NID1: variants seen among roughly 807,000 people sequenced by gnomAD.
NID1 encodes the protein nidogen-1.
In NID1, 76 loss-of-function variants were observed where a neutral mutation model predicts 130.6. That is an observed-to-expected ratio of 0.58 (90% CI 0.48 to 0.70). NID1 has a LOEUF of 0.70. Ranked by LOEUF, NID1 falls within the 30% of genes least tolerant of loss-of-function variation. NID1 has a pLI of 0.00. For synonymous variants in NID1, 665 were observed against 675.1 expected, an observed-to-expected ratio of 0.98 and a Z score of 0.23; for missense variants, 1,517 against 1,664.8, an observed-to-expected ratio of 0.91 and a Z score of 1.54.
At position 236,038,135 on chromosome 1, in the gene NID1, A is replaced by G. The variant is rs778790859; in HGVS notation, c.1254T>C (p.Tyr418=). 2.5e-6 allele frequency: 4 copies of G among 1,607,306 alleles called. No individual in the cohort carries two copies. The East Asian group carries it at 6.7e-5, about 27-fold the overall frequency. Residue 418 remains tyrosine, a synonymous_variant, in exon 5 of 20, where the codon TAT becomes TAC. Transcript: ENST00000264187. ...TGFCCSCVAG[Y]TGNGRQCVAE... ...CAACACATTGCCTGCCATTGCCCGT[A>G]TAGCCAGCGACACAGCTGCAGCAGA...
rs1446318174 is a variant in NID1 at position 236,048,638 on chromosome 1, T to A, written c.525+52A>T. On this transcript the variant is annotated intron_variant, in intron 2 of 19. Transcript: ENST00000264187. ...CAGCACAAGGCGTGAGACCAAAGTGTATGAAGCCAATGTGTCTGATTACCT... is the reference window on the plus strand; with the variant it reads ...CAGCACAAGGCGTGAGACCAAAGTGAATGAAGCCAATGTGTCTGATTACCT... 12 of 1,576,520 alleles carry A rather than the reference T, an allele frequency of 7.6e-6. No individual in the cohort carries two copies. The East Asian group carries it at 2.7e-4, about 35-fold the overall frequency.
intron 12 of NID1, among the ~76,000 whole-genome samples, chr1:236,010,223 G>A (rs1658368944): frequency 6.6e-6 from 1 of 151,106 alleles, no homozygotes. Flanking sequence ...GGAACAAAAG[G>A]TTGCCTTGCC....
Position 236,064,889 on chromosome 1 carries a change from C to A in NID1, c.191G>T (p.Arg64Leu). 1 of 1,612,342 alleles carries A rather than the reference C, an allele frequency of 6.2e-7. No individual in the cohort carries two copies. The highest frequency in any genetic ancestry group is 8.5e-7 in the Non-Finnish European group (1 of 1,179,466). ...SPALELSGAL[R>L]FYDRSDIDAV... ...GTCGATGTCGGATCTGTCGTAGAAG[C>A]GGAGCGCCCCACTCAGCTCCAGGGC... is the stretch of plus-strand genomic sequence containing the variant. Residue 64 changes from arginine to leucine, a missense_variant, in exon 1 of 20, where the codon CGC becomes CTC. By Grantham distance (102) the Arg-to-Leu change is moderately radical. This residue lies in a region of NID1 where 1,329 missense variants were observed against 1,429.2 expected (regional missense o/e 0.93). Coordinates refer to ENST00000264187, the MANE Select transcript of NID1 (RefSeq NM_002508.3).
At chr1:236,049,511 T>C (rs1659702022) in intron 1 of NID1, among the ~76,000 whole-genome samples, 1 of 151,928 alleles carries the variant, frequency 6.6e-6, no homozygotes. Context: ...GAAAAATGGT[T>C]AAGGTCCAGC....
rs759941210 is a variant in NID1 at position 236,064,958 on chromosome 1, T to A, written c.122A>T (p.Gln41Leu). 21 of 1,601,438 alleles carry A rather than the reference T, an allele frequency of 1.3e-5. No homozygotes were observed. Among genetic ancestry groups the A allele is most frequent in the Non-Finnish European group, 1.7e-5 (20 of 1,174,644 alleles). The part of the protein sequence containing the change: ...RQELFPFGPG[Q>L]GDLELEDGDD... ...CCCGTCCTCCAGCTCCAGGTCCCCC[T>A]GTCCGGGGCCGAAGGGAAAGAGCTC... Residue 41 changes from glutamine to leucine, a missense_variant, in exon 1 of 20, where the codon CAG (glutamine) becomes CTG (leucine). By Grantham distance (113) the Gln-to-Leu change is moderately radical. Transcript: ENST00000264187.
chr1:236,029,416 G>T (rs916258225), intron 7 of NID1, 134 bp downstream of exon 7: 5 of 802,914 alleles, frequency 6.2e-6, no homozygotes, highest in Non-Finnish European at 9.8e-6. Flanking sequence ...TTGAGGGGAA[G>T]GTGACTGTAA....
intron 1 of NID1, among the ~76,000 whole-genome samples, chr1:236,056,040 A>T (rs1173869353): frequency 1.3e-5 from 2 of 152,196 alleles, no homozygotes; most frequent in African/African-American, 4.8e-5. Flanking sequence ...ACACAATGAG[A>T]CAAGGTAGTC....
Position 236,064,958 on chromosome 1 carries a change from T to C in NID1, c.122A>G (p.Gln41Arg). The C allele has an allele frequency of 6.2e-7, 1 of 1,601,558 alleles. No homozygotes were observed. The highest frequency in any genetic ancestry group is 8.5e-7 in the Non-Finnish European group (1 of 1,174,636). ...RQELFPFGPG[Q>R]GDLELEDGDD... ...CCCGTCCTCCAGCTCCAGGTCCCCCTGTCCGGGGCCGAAGGGAAAGAGCTC... is the reference window on the plus strand; with the variant it reads ...CCCGTCCTCCAGCTCCAGGTCCCCCCGTCCGGGGCCGAAGGGAAAGAGCTC... Residue 41 changes from glutamine (Q) to arginine (R), a missense_variant, in exon 1 of 20, where the codon CAG (glutamine) becomes CGG (arginine). Around this residue, in one of 3 missense-constraint regions of NID1, gnomAD observed 1,329 missense variants for 1,429.2 expected, o/e 0.93. Coordinates refer to ENST00000264187, the MANE Select transcript of NID1 (RefSeq NM_002508.3).
chr1:236,039,593 C>T lies in NID1; in HGVS notation c.1136-1340G>A, dbSNP rs370722318. ...TTGTTTTATTAGAATCATGAACTAG[C>T]TCATTATATTTAATAATCCCGAGCA... On this transcript the variant is annotated intron_variant, in intron 4 of 19. Coordinates refer to ENST00000264187, the MANE Select transcript of NID1 (RefSeq NM_002508.3). Among the ~76,000 whole-genome samples, 36 of 152,224 alleles carry T rather than the reference C, an allele frequency of 2.4e-4. No homozygotes were observed. The East Asian group carries it at 5.8e-3, about 24-fold the overall frequency.
chr1:236,038,259 C>G lies in NID1; in HGVS notation c.1136-6G>C. ...ATCCGTGTTATAGCTGAAAACTGGTCCAAGAAAACAATTGCACACCTGTAA... is the reference window on the plus strand; with the variant it reads ...ATCCGTGTTATAGCTGAAAACTGGTGCAAGAAAACAATTGCACACCTGTAA... On this transcript the variant is annotated splice_region_variant and splice_polypyrimidine_tract_variant and intron_variant, in intron 4 of 19. Transcript: ENST00000264187. 1 of 1,611,480 alleles carries G rather than the reference C, an allele frequency of 6.2e-7. No individual in the cohort carries two copies. The highest frequency in any genetic ancestry group is 1.7e-5 in the Admixed American group (1 of 59,918).
At position 236,025,901 on chromosome 1, in the gene NID1, A is replaced by G; in HGVS notation, c.1979T>C (p.Val660Ala). 1.2e-6 allele frequency: 2 copies of G among 1,613,818 alleles called. No homozygotes were observed. The highest frequency in any genetic ancestry group is 1.7e-6 in the Non-Finnish European group (2 of 1,179,878). Residue 660 changes from valine (V) to alanine (A), a missense_variant, in exon 8 of 20, where the codon GTG becomes GCG. By Grantham distance (64) the Val-to-Ala change is moderately conservative. Coordinates refer to ENST00000264187, the MANE Select transcript of NID1 (RefSeq NM_002508.3). The stretch of plus-strand genomic sequence containing the variant: ...CATGAGCTGTATCCCCTTACCCCTC[A>G]CAGGCCCAATGGAGTTGCTGAGAGC... ...RYALSNSIGP[V>A]REGSPDALQN...
intron 6 of NID1, among the ~76,000 whole-genome samples, chr1:236,030,032 C>T (rs951083830): frequency 3.9e-5 from 6 of 152,138 alleles, no homozygotes; most frequent in Non-Finnish European, 8.8e-5. Flanking sequence ...GGGTTGGACT[C>T]CCAGCTGTGC....
At chr1:235,980,401 G>T in intron 17 of NID1, 95 bp downstream of exon 17, 1 of 1,274,954 alleles carries the variant, frequency 7.8e-7, no homozygotes, top group South Asian at 1.4e-5. Flanking sequence ...TATAAAAACA[G>T]GTGGCTGGTT....
At chr1:235,999,537 G>A (rs985933519) in intron 12 of NID1, among the ~76,000 whole-genome samples, 4 of 152,068 alleles carry the variant, frequency 2.6e-5, no homozygotes, top group African/African-American at 9.7e-5. Flanking sequence ...AAGGCCTGGT[G>A]GATGGGGTGG....
Position 236,013,560 on chromosome 1 carries a change from G to A in NID1, c.2255C>T (p.Ala752Val), listed in dbSNP as rs765375756. Residue 752 changes from alanine (A) to valine (V), a missense_variant and splice_region_variant, in exon 11 of 20, where the codon GCT becomes GTT. Ala to Val is a moderately conservative substitution (Grantham distance 64). Around this residue, in one of 3 missense-constraint regions of NID1, gnomAD observed 1,329 missense variants for 1,429.2 expected, o/e 0.93. Transcript: ENST00000264187. ...YQFSDEGTCV[A>V]VVDQRPINYC... ...GTTGATGGGGCGCTGGTCCACGACAGCTTCAGAACAAAAGGTTGATGCACA... is the reference window on the plus strand; with the variant it reads ...GTTGATGGGGCGCTGGTCCACGACAACTTCAGAACAAAAGGTTGATGCACA... 1 of 1,614,032 alleles carries A rather than the reference G, an allele frequency of 6.2e-7. No individual in the cohort carries two copies. Among genetic ancestry groups the A allele is most frequent in the Non-Finnish European group, 8.5e-7 (1 of 1,180,030 alleles).
intron 14 of NID1, among the ~76,000 whole-genome samples, chr1:235,990,359 C>T (rs1160368794): frequency 1.3e-5 from 2 of 152,172 alleles, no homozygotes; most frequent in African/African-American, 4.8e-5. Context: ...CTTTCTTTTA[C>T]AAGAGCCAAT....
At position 236,017,286 on chromosome 1, in the gene NID1, T is replaced by A. The variant is rs772677809; in HGVS notation, c.2129-13A>T. ...CATTCATCAATATCTGCAGCAAAAA[T>A]TTTTTTTTACTGCAGGCTTTTTTTT... is the stretch of plus-strand genomic sequence containing the variant. On this transcript the variant is annotated splice_polypyrimidine_tract_variant and intron_variant, in intron 9 of 19. Coordinates refer to ENST00000264187, the MANE Select transcript of NID1 (RefSeq NM_002508.3). 8.1e-5 allele frequency: 128 copies of A among 1,584,788 alleles called. No individual in the cohort carries two copies. The highest frequency in any genetic ancestry group is 1.0e-4 in the Non-Finnish European group (120 of 1,162,702).
chr1:236,036,577 G>A (rs1191694485), intron 5 of NID1, among the ~76,000 whole-genome samples: 1 of 152,214 alleles, frequency 6.6e-6, no homozygotes, highest in Non-Finnish European at 1.5e-5. Flanking sequence ...GCTATGGCTT[G>A]AATGTCCCCT....
chr1:236,022,272 C>A (rs988306942), intron 9 of NID1, among the ~76,000 whole-genome samples: 1 of 150,242 alleles, frequency 6.7e-6, no homozygotes, highest in African/African-American at 2.5e-5. Flanking sequence ...GTCTCAAAAA[C>A]AATAAAAATA....
Sources: allele counts gnomAD v4.1 joint callset (sites outside exome capture counted in the v4.1 genomes callset), GRCh38; gene constraint gnomAD v4.1.1; regional missense constraint gnomAD v4.1.1; transcripts MANE v1.5; gene names NCBI Gene and HGNC (gene_info 2026-07-23, HGNC 2026-07-21).